The following SLC49A3 variants were observed in gnomAD, a reference collection of about 807,000 sequenced individuals.
The protein encoded by SLC49A3 is solute carrier family 49 member 3.
A neutral mutation model predicts 43.8 loss-of-function variants in SLC49A3; 50 were observed. The observed-to-expected ratio is 1.14, with a 90% CI of 0.91 to 1.45. SLC49A3 has a LOEUF of 1.45. Among genes scored for constraint, SLC49A3 ranks in the 40% most tolerant of loss-of-function variants. The pLI, the probability that SLC49A3 is intolerant of heterozygous loss-of-function variation, is 0.00. For missense variants in SLC49A3, 906 were observed against 774.1 expected, an observed-to-expected ratio of 1.17 and a Z score of -2.02; for synonymous variants, 413 against 352.0, an observed-to-expected ratio of 1.17 and a Z score of -1.94.
At chr4:681,668 C>G (rs1242773868), downstream of SLC49A3, among the ~76,000 whole-genome samples, 1 of 45,598 alleles carries the variant, frequency 2.2e-5, no homozygotes, top group Admixed American at 1.7e-4. Flanking sequence ...CCGCCCCGCC[C>G]CCTCCAGCGC....
intron 9 of SLC49A3, 94 bp downstream of exon 9, chr4:682,687 C>G: frequency 3.9e-6 from 4 of 1,032,918 alleles, no homozygotes; most frequent in Non-Finnish European, 2.8e-6. Context: ...CTGTTTAGGG[C>G]TCCCCACGTA....
chr4:679,484 C>T (rs1253052550), downstream of SLC49A3, among the ~76,000 whole-genome samples: 1 of 152,100 alleles, frequency 6.6e-6, no homozygotes, highest in East Asian at 1.9e-4. Flanking sequence ...CCCTCCCCAG[C>T]TTCAGTCCTC....
downstream of SLC49A3, chr4:678,629 G>C (rs756167765): frequency 1.9e-6 from 3 of 1,585,668 alleles, no homozygotes; most frequent in Non-Finnish European, 2.6e-6. Context: ...GCCAGCCCAG[G>C]ACCCTCAGCC....
downstream of SLC49A3, chr4:681,018 G>GA (rs1739425139): frequency 1.3e-6 from 2 of 1,511,684 alleles, no homozygotes; most frequent in South Asian, 2.4e-5. Flanking sequence ...GGGGCCCCTG[G>GA]AGCACCTGAG....
chr4:686,701 C>T lies in SLC49A3; in HGVS notation c.136-11G>A, dbSNP rs766544092. Reference sequence around the variant, plus strand: ...AAAGCTGAGCCACAGCTGCAGGGGTCAGGCGGGAGTCAGCGCAGGGCCACA... The same window carrying T: ...AAAGCTGAGCCACAGCTGCAGGGGTTAGGCGGGAGTCAGCGCAGGGCCACA... On this transcript the variant is annotated splice_polypyrimidine_tract_variant and intron_variant, in intron 1 of 9. Transcript: ENST00000322224. The T allele has an allele frequency of 6.2e-6, 10 of 1,610,848 alleles. No homozygotes were observed. In the East Asian group the frequency reaches 1.8e-4, roughly 29 times the overall value.
intron 8 of SLC49A3, 81 bp from the exon 9 acceptor site, chr4:682,971 G>T: frequency 3.1e-6 from 4 of 1,290,864 alleles, no homozygotes; most frequent in Non-Finnish European, 3.2e-6. Flanking sequence ...TGTTGACATC[G>T]GTGCTGTCCC....
In SLC49A3 at chr4:681,915, C is replaced by T. The variant is rs767484515; in HGVS notation, c.*43G>A. The T allele has an allele frequency of 4.5e-6, 6 of 1,319,562 alleles. No individual in the cohort carries two copies. Among genetic ancestry groups the T allele is most frequent in the Non-Finnish European group, 4.9e-6 (5 of 1,024,486 alleles). The allele number at this position is 1,319,562 out of a possible 1,614,324, so 81.7% of individuals were successfully genotyped here. A position where few individuals can be genotyped will look rare whatever the true frequency, so the allele number is the denominator to read the frequency against. On this transcript the variant is annotated 3_prime_UTR_variant, in exon 10 of 10. Transcript: ENST00000322224. ...CAGGTGGACCAGATGTTCCAGTTCG[C>T]CTCCATCGATGTGGCGGGCAACCTG... is the stretch of plus-strand genomic sequence containing the variant.
chr4:684,552 T>TC lies in SLC49A3; in HGVS notation c.770dup (p.Met258AsnfsTer56). ...AGAAGCTGGCAGAGATCCCGATCAT[T>TC]CCCCCCAAGCACACAGCCAGGATGA... On this transcript the variant is annotated frameshift_variant, in exon 6 of 10. Coordinates refer to ENST00000322224, the MANE Select transcript of SLC49A3 (RefSeq NM_032219.4). LOFTEE classifies it high-confidence loss of function. 2 of 1,612,654 alleles carry TC rather than the reference T, an allele frequency of 1.2e-6. No homozygotes were observed. The highest frequency in any genetic ancestry group is 1.7e-6 in the Non-Finnish European group (2 of 1,179,820).
At chr4:683,460 A>T (rs1401405781) in intron 7 of SLC49A3, 93 bp from the exon 8 acceptor site, 1 of 1,509,242 alleles carries the variant, frequency 6.6e-7, no homozygotes, top group East Asian at 2.3e-5. Context: ...GGGCAGGAGA[A>T]CCCATCCCAC....
chr4:687,667 G>A (rs903926341), intron 1 of SLC49A3, among the ~76,000 whole-genome samples: 3 of 152,194 alleles, frequency 2.0e-5, no homozygotes, highest in African/African-American at 7.2e-5. Context: ...GGGCAACGTG[G>A]GAGGACGATC....
At position 686,150 on chromosome 4, in the gene SLC49A3, C is replaced by T; in HGVS notation, c.447G>A (p.Lys149=). The T allele has an allele frequency of 1.2e-6, 2 of 1,613,298 alleles. No individual in the cohort carries two copies. The highest frequency in any genetic ancestry group is 1.7e-6 in the Non-Finnish European group (2 of 1,179,986). The change falls in exon 3 of 10, where the codon AAG becomes AAA. Residue 149 remains lysine (K), a synonymous_variant. Coordinates refer to ENST00000322224, the MANE Select transcript of SLC49A3 (RefSeq NM_032219.4). ...AQSLVIFSPA[K]LAALWFPEHQ... ...GCTCTGGGAACCACAAGGCAGCCAG[C>T]TTGGCTGGAGAGAAGATGACCAGGC...
upstream of SLC49A3, among the ~76,000 whole-genome samples, chr4:689,758 A>T (rs1002375049): frequency 6.6e-6 from 1 of 152,272 alleles, no homozygotes; most frequent in Non-Finnish European, 1.5e-5. Flanking sequence ...CCTGCATTTT[A>T]CAATGGAGGA....
At chr4:680,061 T>G (rs759015814), downstream of SLC49A3, 2 of 1,469,112 alleles carry the variant, frequency 1.4e-6, no homozygotes, top group Non-Finnish European at 1.9e-6. Flanking sequence ...AGCTAATTCC[T>G]AACAGTTAGA....
upstream of SLC49A3, among the ~76,000 whole-genome samples, chr4:690,238 C>T (rs1224993005): frequency 1.3e-5 from 2 of 150,282 alleles, no homozygotes; most frequent in Admixed American, 6.6e-5. Context: ...TGTAGAGTCT[C>T]ATCCAGTAAC....
rs1441397401 is a variant in SLC49A3, at chr4:683,293, C to T, written c.1068G>A (p.Val356=). The change falls in exon 8 of 10, where the codon GTG becomes GTA. Residue 356 remains valine (V), a synonymous_variant. Transcript: ENST00000322224. ...CCGCCAACTCCATGGCCACGGGGCC[C>T]ACCGAGAAGCCAAACAGCCCGAGCA... ...CSLLGLFGFS[V]GPVAMELAVE... is the part of the protein sequence containing the mutation. 11 of 1,612,596 alleles carry T rather than the reference C, an allele frequency of 6.8e-6. No individual in the cohort carries two copies. The highest frequency in any genetic ancestry group is 1.3e-5 in the African/African-American group (1 of 74,916).
downstream of SLC49A3, chr4:680,077 G>C: frequency 2.2e-6 from 3 of 1,386,502 alleles, no homozygotes; most frequent in Non-Finnish European, 3.0e-6. Flanking sequence ...TTAGAGATCC[G>C]GACATTTCAC....
At chr4:678,696 C>T (rs1033194520), downstream of SLC49A3, 5 of 1,611,516 alleles carry the variant, frequency 3.1e-6, no homozygotes, top group Admixed American at 5.0e-5. Flanking sequence ...GGGGTGCCCT[C>T]CGGGCCCAGA....
At chr4:682,527 G>A (rs1258213974) in intron 9 of SLC49A3, 151 bp from the exon 10 acceptor site, 3 of 905,090 alleles carry the variant, frequency 3.3e-6, no homozygotes, top group Non-Finnish European at 3.0e-6. Flanking sequence ...AGCCCTGAGG[G>A]GGTGTTTGCA....
chr4:686,367 C>A, intron 2 of SLC49A3, 65 bp from the exon 3 acceptor site: 1 of 1,582,052 alleles, frequency 6.3e-7, no homozygotes, highest in Non-Finnish European at 8.6e-7. Context: ...CTGCCCCGTC[C>A]CCCGAGCACC....
Sources: gnomAD v4.1 joint callset for allele counts (sites outside exome capture counted in the v4.1 genomes callset) on GRCh38, gnomAD v4.1.1 for gene constraint, MANE v1.5 for transcripts, NCBI Gene and HGNC (gene_info 2026-07-23, HGNC 2026-07-21) for gene names.